The following KIRREL3 variants were observed in gnomAD, a reference collection of about 807,000 sequenced individuals.
KIRREL3 encodes kin of IRRE-like protein 3.
A neutral mutation model predicts 89.7 loss-of-function variants in KIRREL3; 36 were observed. The ratio of observed to expected loss-of-function variants is 0.40; its 90% CI spans 0.31 to 0.53. The LOEUF (loss-of-function observed/expected upper bound fraction) is 0.53. KIRREL3 is among the 20% of genes least tolerant of loss of function. KIRREL3 has a pLI of 0.49. For synonymous variants in KIRREL3, 445 were observed against 441.4 expected (o/e 1.01, Z -0.10); for missense variants, 864 against 1,056.6 (o/e 0.82, Z 2.53).
In KIRREL3 at chr11:126,474,718, C is replaced by G. The variant is rs925415365; in HGVS notation, c.434-1252G>C. ...GTCGGAGCACGGTCTCCGCAGTGCC[C>G]AGCACAGAGCCCTGTGCTGGGGAAA... On this transcript the variant is annotated intron_variant, in intron 4 of 16. Transcript: ENST00000525144. The surrounding 1 kb of genome is among the most constrained non-coding windows in gnomAD (Gnocchi z 6.7). Among the ~76,000 whole-genome samples the G allele has an allele frequency of 6.6e-6, 1 of 152,214 alleles. No homozygotes were observed. Among genetic ancestry groups the G allele is most frequent in the Non-Finnish European group, 1.5e-5 (1 of 68,032 alleles).
chr11:126,515,596 G>A lies in KIRREL3; in HGVS notation c.433+5719C>T, dbSNP rs932651578. Reference sequence around the variant, plus strand: ...TTAGCCAAGGGAAGAAAGGTAGGAAGGGCACTCCAGGAAGAAACACAGTGT... The same window carrying A: ...TTAGCCAAGGGAAGAAAGGTAGGAAAGGCACTCCAGGAAGAAACACAGTGT... On this transcript the variant is annotated intron_variant, in intron 4 of 16. Transcript: ENST00000525144. The surrounding 1 kb of genome is among the most constrained non-coding windows in gnomAD (Gnocchi z 4.2). 1.3e-5 allele frequency among the ~76,000 whole-genome samples: 2 copies of A among 152,192 alleles called. No homozygotes were observed. The highest frequency in any genetic ancestry group is 1.3e-4 in the Admixed American group (2 of 15,288).
In KIRREL3 at chr11:126,997,724, A is replaced by G. The variant is rs1232478078; in HGVS notation, c.55+2731T>C. The stretch of plus-strand genomic sequence containing the variant: ...GTATCTTGAGAGCACTGCTTGGAGC[A>G]CTCTCTCTGCACGGGGACCAAGATA... On this transcript the variant is annotated intron_variant, in intron 1 of 16. Transcript: ENST00000525144. The surrounding 1 kb of genome is among the most constrained non-coding windows in gnomAD (Gnocchi z 4.3). Among the ~76,000 whole-genome samples the G allele has an allele frequency of 6.6e-6, 1 of 152,004 alleles. No homozygotes were observed. The highest frequency in any genetic ancestry group is 1.5e-5 in the Non-Finnish European group (1 of 68,008).
rs1031841500 is a variant in KIRREL3 at position 126,685,686 on chromosome 11, T to C, written c.56-122774A>G. Among the ~76,000 whole-genome samples, 3 of 152,216 alleles carry C rather than the reference T, an allele frequency of 2.0e-5. No homozygotes were observed. Among genetic ancestry groups the C allele is most frequent in the African/African-American group, 7.2e-5 (3 of 41,458 alleles). ...CCAAAATACCATGGCTGAGTTAAAG[T>C]GCTGTGACACGTCGTTTCCATCTCA... is the stretch of plus-strand genomic sequence containing the variant. On this transcript the variant is annotated intron_variant, in intron 1 of 16. Coordinates refer to ENST00000525144, the MANE Select transcript of KIRREL3 (RefSeq NM_032531.4). The surrounding 1 kb of genome is among the most constrained non-coding windows in gnomAD (Gnocchi z 5.5).
rs1415176550 is a variant in KIRREL3, at chr11:126,983,158, T to C, written c.55+17297A>G. On this transcript the variant is annotated intron_variant, in intron 1 of 16. Coordinates refer to ENST00000525144, the MANE Select transcript of KIRREL3 (RefSeq NM_032531.4). The surrounding 1 kb of genome is among the most constrained non-coding windows in gnomAD (Gnocchi z 4.9). The stretch of plus-strand genomic sequence containing the variant: ...GGGGAAGGTCATTTTTTCTAACTTA[T>C]AAGTAGTGAGGCTACTTGTAGGTAC... Among the ~76,000 whole-genome samples, 2 of 152,130 alleles carry C rather than the reference T, an allele frequency of 1.3e-5. No homozygotes were observed. The highest frequency in any genetic ancestry group is 2.1e-4 in the South Asian group (1 of 4,818).
chr11:126,983,780 T>C lies in KIRREL3; in HGVS notation c.55+16675A>G, dbSNP rs2135254769. Among the ~76,000 whole-genome samples, 1 of 152,344 alleles carries C rather than the reference T, an allele frequency of 6.6e-6. No individual in the cohort carries two copies. The highest frequency in any genetic ancestry group is 1.5e-5 in the Non-Finnish European group (1 of 68,030). ...TCCAGAAGCTAAGATAGTACATTTGTGTTGTTTTAAGCCACTACGTCTGTG... is the reference window on the plus strand; with the variant it reads ...TCCAGAAGCTAAGATAGTACATTTGCGTTGTTTTAAGCCACTACGTCTGTG... On this transcript the variant is annotated intron_variant, in intron 1 of 16. Coordinates refer to ENST00000525144, the MANE Select transcript of KIRREL3 (RefSeq NM_032531.4). The surrounding 1 kb of genome is among the most constrained non-coding windows in gnomAD (Gnocchi z 4.9).
chr11:126,673,233 G>C (rs1363434749), intron 1 of KIRREL3, among the ~76,000 whole-genome samples: 2 of 152,260 alleles, frequency 1.3e-5, no homozygotes, highest in Admixed American at 6.5e-5. Flanking sequence ...GGCCACACTT[G>C]GCTCGAAAGA....
rs1949664451 is a variant in KIRREL3, at chr11:126,761,433, G to T, written c.56-198521C>A. Reference sequence around the variant, plus strand: ...GCAGTGTCCAGAGTCCATTCTTCCTGCCTCATCACTGAGGAGGAGCAAGAC... The same window carrying T: ...GCAGTGTCCAGAGTCCATTCTTCCTTCCTCATCACTGAGGAGGAGCAAGAC... On this transcript the variant is annotated intron_variant, in intron 1 of 16. Coordinates refer to ENST00000525144, the MANE Select transcript of KIRREL3 (RefSeq NM_032531.4). The surrounding 1 kb of genome is among the most constrained non-coding windows in gnomAD (Gnocchi z 4.4). Among the ~76,000 whole-genome samples, 1 of 152,156 alleles carries T rather than the reference G, an allele frequency of 6.6e-6. No individual in the cohort carries two copies.
intron 1 of KIRREL3, among the ~76,000 whole-genome samples, chr11:126,588,015 C>T (rs1371043236): frequency 6.6e-6 from 1 of 152,052 alleles, no homozygotes; most frequent in African/African-American, 2.4e-5. Flanking sequence ...AAGCATTGGG[C>T]CATGAGGTAG....
rs1411708262 is a variant in KIRREL3, at chr11:126,519,088, C to T, written c.433+2227G>A. ...ATGGAAACTTCCTCTGCCCTCCTTC[C>T]GCTGATCTCCAGACTTGAATAAAAC... On this transcript the variant is annotated intron_variant, in intron 4 of 16. Transcript: ENST00000525144. The surrounding 1 kb of genome is among the most constrained non-coding windows in gnomAD (Gnocchi z 4.3). Among the ~76,000 whole-genome samples, 3 of 152,234 alleles carry T rather than the reference C, an allele frequency of 2.0e-5. No homozygotes were observed. Among genetic ancestry groups the T allele is most frequent in the Admixed American group, 1.3e-4 (2 of 15,286 alleles).
At chr11:126,556,099 A>T (rs1334306682) in intron 2 of KIRREL3, among the ~76,000 whole-genome samples, 1 of 152,210 alleles carries the variant, frequency 6.6e-6, no homozygotes, top group Non-Finnish European at 1.5e-5. Context: ...TGACATGGTC[A>T]AATTTGCATT....
In KIRREL3 at chr11:126,683,845, C is replaced by T. The variant is rs529757502; in HGVS notation, c.56-120933G>A. Among the ~76,000 whole-genome samples the T allele has an allele frequency of 1.8e-4, 27 of 152,334 alleles. No individual in the cohort carries two copies. The highest frequency in any genetic ancestry group is 6.0e-4 in the African/African-American group (25 of 41,580). On this transcript the variant is annotated intron_variant, in intron 1 of 16. Coordinates refer to ENST00000525144, the MANE Select transcript of KIRREL3 (RefSeq NM_032531.4). The surrounding 1 kb of genome is among the most constrained non-coding windows in gnomAD (Gnocchi z 5.2). ...AAACAGGAAGCCGTCTTGAAACCCT[C>T]GCCAGGCCCCAGACGCGCGTGGGTC...
Position 126,571,093 on chromosome 11 carries a change from T to G in KIRREL3, c.56-8181A>C, listed in dbSNP as rs1191731103. Among the ~76,000 whole-genome samples the G allele has an allele frequency of 6.6e-6, 1 of 152,214 alleles. No homozygotes were observed. The highest frequency in any genetic ancestry group is 6.5e-5 in the Admixed American group (1 of 15,288). On this transcript the variant is annotated intron_variant, in intron 1 of 16. Coordinates refer to ENST00000525144, the MANE Select transcript of KIRREL3 (RefSeq NM_032531.4). The surrounding 1 kb of genome is among the most constrained non-coding windows in gnomAD (Gnocchi z 7.7). ...CCGTACACCTCCATGTTGGTGCTTG[T>G]TGGTGCGTCGTGCCATGCTCTGTCT...
intron 4 of KIRREL3, among the ~76,000 whole-genome samples, chr11:126,511,857 G>A (rs1958232692): frequency 6.6e-6 from 1 of 152,214 alleles, no homozygotes. Context: ...TTTTGGGCCT[G>A]GGCTGAGGTC....
At chr11:126,732,999 C>T (rs1948683716) in intron 1 of KIRREL3, among the ~76,000 whole-genome samples, 2 of 152,178 alleles carry the variant, frequency 1.3e-5, no homozygotes, top group Admixed American at 6.5e-5. Flanking sequence ...AAGATTGGTT[C>T]CCATTGTGAA....
rs904245606 is a variant in KIRREL3 at position 126,627,072 on chromosome 11, C to A, written c.56-64160G>T. ...CCTCAAAGGAAGGTGTGTGTGCATG[C>A]ATGTGTGTGTATGTGTGTGTGAAGG... On this transcript the variant is annotated intron_variant, in intron 1 of 16. Coordinates refer to ENST00000525144, the MANE Select transcript of KIRREL3 (RefSeq NM_032531.4). The surrounding 1 kb of genome is among the most constrained non-coding windows in gnomAD (Gnocchi z 5.0). Among the ~76,000 whole-genome samples, 1 of 151,314 alleles carries A rather than the reference C, an allele frequency of 6.6e-6. No individual in the cohort carries two copies. Among genetic ancestry groups the A allele is most frequent in the Non-Finnish European group, 1.5e-5 (1 of 67,918 alleles).
At chr11:126,851,221 G>A (rs1456709134) in intron 1 of KIRREL3, among the ~76,000 whole-genome samples, 2 of 152,226 alleles carry the variant, frequency 1.3e-5, no homozygotes, top group East Asian at 1.9e-4. Flanking sequence ...GTGAATGAAA[G>A]AGCCATATTT....
chr11:126,733,795 A>G (rs1331139495), intron 1 of KIRREL3, among the ~76,000 whole-genome samples: 1 of 152,148 alleles, frequency 6.6e-6, no homozygotes, highest in Admixed American at 6.5e-5. Context: ...GCTTTTTTAG[A>G]AAAAAATTTG....
intron 7 of KIRREL3, among the ~76,000 whole-genome samples, chr11:126,450,901 A>ATG: frequency 8.5e-6 from 1 of 117,988 alleles, no homozygotes; most frequent in East Asian, 2.8e-4. Flanking sequence ...GCGTGTGTGC[A>ATG]TGTGCGTGTG....
At chr11:126,716,504 T>G (rs1947966886) in intron 1 of KIRREL3, among the ~76,000 whole-genome samples, 6 of 151,554 alleles carry the variant, frequency 4.0e-5, no homozygotes, top group African/African-American at 1.5e-4. Context: ...ATGACACAGG[T>G]CAGCCACATC....
Sources: gnomAD v4.1 joint callset for allele counts (sites outside exome capture counted in the v4.1 genomes callset) on GRCh38, gnomAD v4.1.1 for gene constraint, Gnocchi (gnomAD v3.1) non-coding constraint, MANE v1.5 for transcripts, NCBI Gene and HGNC (gene_info 2026-07-23, HGNC 2026-07-21) for gene names.